The following KCNMA1 variants were observed in gnomAD, a reference collection of about 807,000 sequenced individuals.
KCNMA1 encodes the protein potassium calcium-activated channel subfamily M alpha 1, also known as Calcium-activated potassium channel subunit alpha-1.
In KCNMA1, 29 loss-of-function variants were observed where a neutral mutation model predicts 140.0. The observed-to-expected ratio is 0.21, with a 90% CI of 0.15 to 0.28. KCNMA1 has a LOEUF of 0.28. Ranked by LOEUF, KCNMA1 falls within the 10% of genes least tolerant of loss-of-function variation. The pLI is 1.00. For missense variants in KCNMA1, 880 were observed against 1,602.2 expected, an observed-to-expected ratio of 0.55 and a Z score of 7.70; for synonymous variants, 612 against 611.9, an observed-to-expected ratio of 1.00 and a Z score of 0.00.
chr10:77,603,415 T>C (rs1471829560), intron 1 of KCNMA1, among the ~76,000 whole-genome samples: 1 of 152,134 alleles, frequency 6.6e-6, no homozygotes, highest in Non-Finnish European at 1.5e-5. Flanking sequence ...TTTCCCTCTG[T>C]TGTCCCACTT....
At chr10:77,547,079 C>T (rs1460115814) in intron 1 of KCNMA1, among the ~76,000 whole-genome samples, 1 of 152,202 alleles carries the variant, frequency 6.6e-6, no homozygotes, top group East Asian at 1.9e-4. Flanking sequence ...GAACCCAGCC[C>T]AGCCTGGATA....
intron 2 of KCNMA1, among the ~76,000 whole-genome samples, chr10:77,322,346 C>G (rs1403918300): frequency 6.6e-6 from 1 of 152,210 alleles, no homozygotes; most frequent in Non-Finnish European, 1.5e-5. Flanking sequence ...GATGTTGTTA[C>G]TCTACTTAGA....
chr10:77,332,894 C>T (rs2087045251), intron 2 of KCNMA1, among the ~76,000 whole-genome samples: 1 of 152,220 alleles, frequency 6.6e-6, no homozygotes, highest in South Asian at 2.1e-4. Flanking sequence ...CACACACATA[C>T]ATGCACCTGT....
intron 1 of KCNMA1, among the ~76,000 whole-genome samples, chr10:77,468,310 G>A (rs1298992241): frequency 1.3e-5 from 2 of 152,196 alleles, no homozygotes; most frequent in East Asian, 1.9e-4. Context: ...CTATAGCTCT[G>A]TGTCTACACA....
Position 77,112,382 on chromosome 10 carries a change from G to A in KCNMA1, c.945C>T (p.Ala315=), listed in dbSNP as rs79713097. The part of the protein sequence containing the change: ...SIFISTWLTA[A]GFIHLVENSG... ...GGTTACTCACCAAATGGATGAACCC[G>A]GCTGCAGTCAGCCACGTGCTGATAA... The change falls in exon 7 of 28, where the codon GCC becomes GCT. Residue 315 remains alanine (A), a synonymous_variant. Transcript: ENST00000286628. 4,423 of 1,613,564 alleles carry A rather than the reference G, an allele frequency of 2.7e-3. 18 individuals carry two copies. Among genetic ancestry groups the A allele is most frequent in the Non-Finnish European group, 2.6e-3 (3,051 of 1,179,522 alleles).
At chr10:77,340,863 T>TA (rs2154375533) in intron 2 of KCNMA1, among the ~76,000 whole-genome samples, 1 of 140,248 alleles carries the variant, frequency 7.1e-6, no homozygotes, top group East Asian at 2.0e-4. Flanking sequence ...AAGTATAATT[T>TA]AAAAAATGCC....
At chr10:76,920,695 G>T (rs2055389769) in intron 23 of KCNMA1, among the ~76,000 whole-genome samples, 1 of 152,210 alleles carries the variant, frequency 6.6e-6, no homozygotes, top group South Asian at 2.1e-4. Context: ...ATTGGTAAGT[G>T]TCCCTGGGAG....
At chr10:77,439,008 C>A (rs368801477) in intron 1 of KCNMA1, among the ~76,000 whole-genome samples, 6 of 148,576 alleles carry the variant, frequency 4.0e-5, no homozygotes, top group African/African-American at 1.5e-4. Context: ...CCCGGGAGGC[C>A]GAGGCCGAGC....
In KCNMA1 at chr10:77,603,892, A is replaced by T. The variant is rs192176917; in HGVS notation, c.378+33373T>A. ...CCACTTGCTACATGTGTGGCCTTAG[A>T]CAAGTTACTTAACCTCAGTTCCCCT... On this transcript the variant is annotated intron_variant, in intron 1 of 27. Coordinates refer to ENST00000286628, the MANE Select transcript of KCNMA1 (RefSeq NM_001161352.2). 8.1e-4 allele frequency among the ~76,000 whole-genome samples: 124 copies of T among 152,322 alleles called. 2 individuals are homozygous for T. The East Asian group carries it at 9.5e-3, about 12-fold the overall frequency.
At chr10:77,624,188 T>A (rs2092093940) in intron 1 of KCNMA1, among the ~76,000 whole-genome samples, 1 of 152,204 alleles carries the variant, frequency 6.6e-6, no homozygotes, top group Non-Finnish European at 1.5e-5. Flanking sequence ...AGGAAAAGGA[T>A]CAAAGTAAGT....
chr10:77,121,612 C>CA (rs930682719), intron 5 of KCNMA1, among the ~76,000 whole-genome samples: 6 of 151,110 alleles, frequency 4.0e-5, no homozygotes, highest in African/African-American at 1.5e-4. Flanking sequence ...TCACACCCCA[C>CA]AACTTCAGGA....
intron 19 of KCNMA1, among the ~76,000 whole-genome samples, chr10:76,979,313 G>C (rs1388534061): frequency 1.3e-5 from 2 of 152,216 alleles, no homozygotes; most frequent in Non-Finnish European, 2.9e-5. Context: ...CCTGCCCAGA[G>C]TGAGAAACAG....
chr10:77,133,152 G>A (rs2097900840), intron 5 of KCNMA1, among the ~76,000 whole-genome samples: 1 of 144,340 alleles, frequency 6.9e-6, no homozygotes, highest in Admixed American at 6.9e-5. Context: ...AAAGGACAAA[G>A]GAATTTAATC....
At position 77,229,336 on chromosome 10, in the gene KCNMA1, CAAAAAA is replaced by C. The variant is rs146613662; in HGVS notation, c.602+21853_602+21858del. Among the ~76,000 whole-genome samples, 26 of 123,744 alleles carry C rather than the reference CAAAAAA, an allele frequency of 2.1e-4. No individual in the cohort carries two copies. In the South Asian group the frequency reaches 3.1e-3, roughly 15 times the overall value. The allele number at this position is 123,744 out of a possible 152,430, so 81.2% of individuals were successfully genotyped here. A position where few individuals can be genotyped will look rare whatever the true frequency, so the allele number is the denominator to read the frequency against. On this transcript the variant is annotated intron_variant, in intron 3 of 27. Coordinates refer to ENST00000286628, the MANE Select transcript of KCNMA1 (RefSeq NM_001161352.2). The stretch of plus-strand genomic sequence containing the variant: ...CATGATTTTGCAGAGAAGCCCATGG[CAAAAAA>C]AAAAAAAAAAAAAACTTTCTATAAT...
chr10:77,176,314 T>C (rs1350620901), intron 5 of KCNMA1, among the ~76,000 whole-genome samples: 2 of 152,198 alleles, frequency 1.3e-5, no homozygotes, highest in Non-Finnish European at 2.9e-5. Flanking sequence ...AAAAGAGGGC[T>C]ACTAGGTGGA....
chr10:77,536,389 T>G (rs1250501531), intron 1 of KCNMA1, among the ~76,000 whole-genome samples: 1 of 152,236 alleles, frequency 6.6e-6, no homozygotes, highest in African/African-American at 2.4e-5. Context: ...TACTTCCTGC[T>G]GTGGTCTTTC....
intron 1 of KCNMA1, among the ~76,000 whole-genome samples, chr10:77,518,134 C>T (rs189312366): frequency 6.6e-6 from 1 of 152,334 alleles, no homozygotes; most frequent in East Asian, 1.9e-4. Context: ...TCATTGGCCA[C>T]TTCCTTAGAA....
chr10:77,424,826 C>T (rs1028714818), intron 1 of KCNMA1, among the ~76,000 whole-genome samples: 1 of 152,194 alleles, frequency 6.6e-6, no homozygotes, highest in African/African-American at 2.4e-5. Flanking sequence ...AAATTAGGGC[C>T]CCCTTGTTCT....
intron 5 of KCNMA1, among the ~76,000 whole-genome samples, chr10:77,155,614 T>C (rs2098473877): frequency 6.6e-6 from 1 of 152,038 alleles, no homozygotes; most frequent in Admixed American, 6.5e-5. Context: ...TTTCATTCCC[T>C]GTATGCCTGA....
Sources: gnomAD v4.1 joint callset for allele counts (sites outside exome capture counted in the v4.1 genomes callset) on GRCh38, gnomAD v4.1.1 for gene constraint, MANE v1.5 for transcripts, NCBI Gene and HGNC (gene_info 2026-07-23, HGNC 2026-07-21) for gene names.